Variants in TRAM1 observed in about 807,000 individuals in gnomAD.
TRAM1 encodes translocation associated membrane protein 1, also known as translocating chain-associated membrane protein 1.
In TRAM1, 17 loss-of-function variants were observed where a neutral mutation model predicts 48.7. That is an observed-to-expected ratio of 0.35 (90% CI 0.24 to 0.52). The LOEUF (loss-of-function observed/expected upper bound fraction) is 0.52, where lower values mean the gene tolerates loss of function less well. Among genes scored for constraint, TRAM1 ranks in the 20% least tolerant of loss-of-function variants. The pLI, the probability that TRAM1 is intolerant of heterozygous loss-of-function variation, is 0.94. For missense variants in TRAM1, 351 were observed against 441.5 expected (o/e 0.79, Z 1.84); for synonymous variants, 182 against 154.0 (o/e 1.18, Z -1.34).
rs35679510 is a variant in TRAM1 at position 70,573,857 on chromosome 8, AAT to A, written c.*1073_*1074del. ...TTTAGAGCCTTTCTGTAGAGATACAAATATATATATATATATTTATCCAAAAA... is the reference window on the plus strand; with the variant it reads ...TTTAGAGCCTTTCTGTAGAGATACAAATATATATATATATTTATCCAAAAA... On this transcript the variant is annotated 3_prime_UTR_variant, in exon 11 of 11. Transcript: ENST00000262213. The A allele has an allele frequency of 6.1e-3, 922 of 150,564 alleles. 10 individuals are homozygous for A. Among genetic ancestry groups the A allele is most frequent in the African/African-American group, 0.02 (822 of 41,196 alleles). The allele number at this position is 150,564 out of a possible 1,614,324, so 9.3% of individuals were successfully genotyped here. A position where few individuals can be genotyped will look rare whatever the true frequency, so the allele number is the denominator to read the frequency against.
At chr8:70,583,421 C>G (rs1817127533) in intron 9 of TRAM1, 97 bp from the exon 10 acceptor site, 1 of 1,389,944 alleles carries the variant, frequency 7.2e-7, no homozygotes, top group Non-Finnish European at 9.6e-7. Flanking sequence ...AATTCCCACT[C>G]AGTTGAGAAA....
chr8:70,591,858 TC>T (rs1423893023), intron 6 of TRAM1, among the ~76,000 whole-genome samples: 1 of 152,006 alleles, frequency 6.6e-6, no homozygotes, highest in Non-Finnish European at 1.5e-5. Flanking sequence ...GTTTATAAGG[TC>T]TAATGAAGGA....
intron 1 of TRAM1, chr8:70,607,487 A>C (rs1817765539): frequency 1.0e-6 from 1 of 985,454 alleles, no homozygotes; most frequent in Non-Finnish European, 1.2e-6. Flanking sequence ...ACCGCCCTTC[A>C]AGTCGAAAGC....
intron 5 of TRAM1, among the ~76,000 whole-genome samples, chr8:70,595,360 C>G (rs1334662406): frequency 6.6e-6 from 1 of 151,866 alleles, no homozygotes; most frequent in African/African-American, 2.4e-5. Flanking sequence ...TTACAAAGTT[C>G]GTTGAACTAA....
chr8:70,596,229 CT>C, intron 5 of TRAM1, 33 bp downstream of exon 5: 1 of 1,530,886 alleles, frequency 6.5e-7, no homozygotes, highest in South Asian at 1.3e-5. Flanking sequence ...GACCATGGTC[CT>C]TAACAAAGAA....
intron 1 of TRAM1, among the ~76,000 whole-genome samples, chr8:70,602,719 A>T (rs1242538074): frequency 1.3e-5 from 2 of 152,228 alleles, no homozygotes; most frequent in Non-Finnish European, 2.9e-5. Context: ...TGAGGTTAGA[A>T]ACCTTTGATT....
At chr8:70,584,643 A>C (rs1462149805) in intron 8 of TRAM1, among the ~76,000 whole-genome samples, 1 of 152,162 alleles carries the variant, frequency 6.6e-6, no homozygotes, top group Non-Finnish European at 1.5e-5. Context: ...CCAATAACAG[A>C]CAGAGAGCCA....
At chr8:70,580,474 A>AG (rs1817051510) in intron 10 of TRAM1, among the ~76,000 whole-genome samples, 1 of 152,236 alleles carries the variant, frequency 6.6e-6, no homozygotes, top group Non-Finnish European at 1.5e-5. Flanking sequence ...CAATAGATGC[A>AG]GGAAAAAAAG....
intron 10 of TRAM1, among the ~76,000 whole-genome samples, chr8:70,580,242 G>A (rs1319961179): frequency 6.6e-6 from 1 of 151,976 alleles, no homozygotes; most frequent in Non-Finnish European, 1.5e-5. Flanking sequence ...ACCAGACAAC[G>A]ATGTTGCAAG....
At chr8:70,605,774 T>C (rs1345653564) in intron 1 of TRAM1, among the ~76,000 whole-genome samples, 1 of 152,220 alleles carries the variant, frequency 6.6e-6, no homozygotes, top group Non-Finnish European at 1.5e-5. Context: ...ACTTTTGAAT[T>C]GACTTAAAAA....
chr8:70,583,042 G>T, intron 10 of TRAM1, 122 bp downstream of exon 10: 2 of 1,131,684 alleles, frequency 1.8e-6, no homozygotes, highest in Non-Finnish European at 1.2e-6. Flanking sequence ...CTCTAATTTT[G>T]TTGAAAAGCA....
At chr8:70,575,154 C>T (rs1816918818) in intron 10 of TRAM1, 149 bp from the exon 11 acceptor site, 1 of 535,058 alleles carries the variant, frequency 1.9e-6, no homozygotes, top group South Asian at 3.3e-5. Flanking sequence ...AATCACAAAA[C>T]CTGGTAACAT....
chr8:70,576,648 C>A (rs1049034479), intron 10 of TRAM1, among the ~76,000 whole-genome samples: 7 of 152,166 alleles, frequency 4.6e-5, no homozygotes, highest in Non-Finnish European at 8.8e-5. Flanking sequence ...CCACTCACTG[C>A]AACCTCCACT....
intron 4 of TRAM1, 136 bp downstream of exon 4, chr8:70,597,759 G>T: frequency 1.8e-5 from 7 of 384,420 alleles, no homozygotes; most frequent in East Asian, 5.4e-5. Flanking sequence ...AGTAAACATA[G>T]TTTAGAATTT....
rs749862023 is a variant in TRAM1 at position 70,598,026 on chromosome 8, A to C, written c.310-15T>G. The C allele has an allele frequency of 2.4e-5, 37 of 1,556,940 alleles. No individual in the cohort carries two copies. Among genetic ancestry groups the C allele is most frequent in the Non-Finnish European group, 3.1e-5 (36 of 1,148,530 alleles). On this transcript the variant is annotated splice_polypyrimidine_tract_variant and intron_variant, in intron 3 of 10. Transcript: ENST00000262213. ...CTGTTAATTTTCTAAAAATAAAAAC[A>C]GCCATTAGTAATTAAGAATAAATTA... is the stretch of plus-strand genomic sequence containing the variant.
chr8:70,588,094 G>A (rs1158459174), intron 6 of TRAM1, among the ~76,000 whole-genome samples: 1 of 152,084 alleles, frequency 6.6e-6, no homozygotes, highest in Admixed American at 6.6e-5. Context: ...TGCAACTGTA[G>A]TCCCAGCTAC....
At chr8:70,595,316 G>A (rs950326632) in intron 5 of TRAM1, among the ~76,000 whole-genome samples, 1 of 151,882 alleles carries the variant, frequency 6.6e-6, no homozygotes, top group East Asian at 1.9e-4. Flanking sequence ...GGTGGTCGGG[G>A]TGGAGAGAAT....
At chr8:70,601,341 C>T (rs150127428) in intron 1 of TRAM1, among the ~76,000 whole-genome samples, 13 of 152,274 alleles carry the variant, frequency 8.5e-5, no homozygotes, top group African/African-American at 2.6e-4. Context: ...ATCTAAAATA[C>T]GGTCGGAAAA....
chr8:70,608,200 G>T lies in TRAM1; in HGVS notation c.-1C>A. ...TGGTGCTTTTCTTGCGAATCGCCAT[G>T]GTGGGGCCGCCGCCCGCGCCTGCAG... On this transcript the variant is annotated 5_prime_UTR_variant, in exon 1 of 11. Transcript: ENST00000262213. 6.3e-7 allele frequency: 1 copy of T among 1,587,662 alleles called. No homozygotes were observed. Among genetic ancestry groups the T allele is most frequent in the Non-Finnish European group, 8.6e-7 (1 of 1,169,242 alleles).
Sources: allele counts gnomAD v4.1 joint callset (sites outside exome capture counted in the v4.1 genomes callset), GRCh38; gene constraint gnomAD v4.1.1; transcripts MANE v1.5; gene names NCBI Gene and HGNC (gene_info 2026-07-23, HGNC 2026-07-21).